Variants in ME1 observed in about 807,000 individuals in gnomAD.
ME1 encodes malic enzyme 1.
In ME1, 74 loss-of-function variants were observed where a neutral mutation model predicts 66.4. That is an observed-to-expected ratio of 1.11 (90% CI 0.92 to 1.35). The LOEUF is 1.35. Ranked by LOEUF, ME1 falls within the 40% of genes most tolerant of loss-of-function variation. ME1 has a pLI of 0.00. For missense variants in ME1, 750 were observed against 694.1 expected (o/e 1.08, Z -0.90); for synonymous variants, 251 against 235.6 (o/e 1.07, Z -0.60).
chr6:83,365,789 T>G (rs1235199871), intron 3 of ME1, among the ~76,000 whole-genome samples: 1 of 152,200 alleles, frequency 6.6e-6, no homozygotes, highest in Non-Finnish European at 1.5e-5. Context: ...ATTCAGCTTC[T>G]AGCTATCTAC....
chr6:83,307,923 C>T (rs1767855906), intron 6 of ME1, among the ~76,000 whole-genome samples: 1 of 152,010 alleles, frequency 6.6e-6, no homozygotes, highest in Non-Finnish European at 1.5e-5. Context: ...AATTCACAGG[C>T]TATATATCTT....
At chr6:83,416,526 C>T (rs1770162727) in intron 1 of ME1, among the ~76,000 whole-genome samples, 1 of 152,140 alleles carries the variant, frequency 6.6e-6, no homozygotes, top group Non-Finnish European at 1.5e-5. Flanking sequence ...TGAACTTGGA[C>T]ATCTTTTTCA....
chr6:83,393,075 A>T, intron 3 of ME1: 3 of 1,448,354 alleles, frequency 2.1e-6, no homozygotes, highest in Non-Finnish European at 2.9e-6. Context: ...CCCTGAGCTA[A>T]ACGGGAAGCT....
chr6:83,344,556 C>A (rs960812493), intron 5 of ME1, among the ~76,000 whole-genome samples: 4 of 151,416 alleles, frequency 2.6e-5, no homozygotes, highest in Non-Finnish European at 1.5e-5. Context: ...GCACTCTAGC[C>A]TGGGCAACAA....
intron 1 of ME1, among the ~76,000 whole-genome samples, chr6:83,412,455 G>A (rs934075000): frequency 1.3e-5 from 2 of 152,142 alleles, no homozygotes; most frequent in African/African-American, 4.8e-5. Flanking sequence ...AAAAAAATGT[G>A]TCGGATTAAC....
intron 3 of ME1, among the ~76,000 whole-genome samples, chr6:83,388,963 CA>C (rs1040577300): frequency 6.6e-6 from 1 of 151,802 alleles, no homozygotes; most frequent in Non-Finnish European, 1.5e-5. Flanking sequence ...TAAAAAAATA[CA>C]AAAAAATAGC....
At chr6:83,218,892 C>T (rs1188851588) in intron 12 of ME1, among the ~76,000 whole-genome samples, 1 of 152,188 alleles carries the variant, frequency 6.6e-6, no homozygotes, top group African/African-American at 2.4e-5. Context: ...CTGCAGGCCT[C>T]TCCTACTGCA....
Position 83,392,974 on chromosome 6 carries a change from C to T in ME1, c.362+5393G>A, listed in dbSNP as rs577934335. 6 of 859,020 alleles carry T rather than the reference C, an allele frequency of 7.0e-6. No individual in the cohort carries two copies. The East Asian group carries it at 1.2e-4, about 18-fold the overall frequency. The allele number at this position is 859,020 out of a possible 1,614,324, so 53.2% of individuals were successfully genotyped here. On this transcript the variant is annotated intron_variant, in intron 3 of 13. Transcript: ENST00000369705. Reference sequence around the variant, plus strand: ...GCCACCCAGAAGACTATGGATGGCTCCTATGGGAAACTGTGGGGTGACGGC... The same window carrying T: ...GCCACCCAGAAGACTATGGATGGCTTCTATGGGAAACTGTGGGGTGACGGC...
chr6:83,241,987 C>T (rs937794153), intron 7 of ME1, among the ~76,000 whole-genome samples: 1 of 152,098 alleles, frequency 6.6e-6, no homozygotes, highest in South Asian at 2.1e-4. Context: ...CTCAACCTCC[C>T]AAGTAACTAG....
chr6:83,389,482 G>T (rs1769577808), intron 3 of ME1, among the ~76,000 whole-genome samples: 2 of 151,990 alleles, frequency 1.3e-5, no homozygotes, highest in Non-Finnish European at 2.9e-5. Flanking sequence ...CAAAAAAACA[G>T]ATCAAGCATA....
chr6:83,283,439 G>C (rs936089818), intron 6 of ME1, among the ~76,000 whole-genome samples: 2 of 151,720 alleles, frequency 1.3e-5, no homozygotes, highest in African/African-American at 4.8e-5. Flanking sequence ...GGGGAAAGGA[G>C]AGGGAGAGCA....
At chr6:83,398,600 A>G (rs2128550762) in intron 2 of ME1, 84 bp from the exon 3 acceptor site, 1 of 678,326 alleles carries the variant, frequency 1.5e-6, no homozygotes, top group South Asian at 2.4e-5. Flanking sequence ...ATTTTCAACC[A>G]AGTATAAAGT....
intron 2 of ME1, among the ~76,000 whole-genome samples, chr6:83,405,413 G>A (rs1372504848): frequency 6.6e-6 from 1 of 152,130 alleles, no homozygotes; most frequent in South Asian, 2.1e-4. Context: ...GGGGATGAGA[G>A]GATGGGGTTT....
chr6:83,376,964 A>G (rs1414349167), intron 3 of ME1, among the ~76,000 whole-genome samples: 2 of 152,180 alleles, frequency 1.3e-5, no homozygotes, highest in East Asian at 3.9e-4. Flanking sequence ...TTTCCAATAC[A>G]TCAAGGAATG....
At chr6:83,297,444 A>C (rs1340623632) in intron 6 of ME1, among the ~76,000 whole-genome samples, 2 of 152,074 alleles carry the variant, frequency 1.3e-5, no homozygotes, top group Non-Finnish European at 2.9e-5. Flanking sequence ...TTCTCCACAG[A>C]ACTAGAAAAG....
chr6:83,221,107 C>T (rs1790083819), intron 12 of ME1, among the ~76,000 whole-genome samples: 1 of 151,108 alleles, frequency 6.6e-6, no homozygotes, highest in Non-Finnish European at 1.5e-5. Context: ...TTGCAGTGGG[C>T]CAAGATCACA....
chr6:83,405,553 T>C (rs1769922909), intron 2 of ME1, among the ~76,000 whole-genome samples: 1 of 152,062 alleles, frequency 6.6e-6, no homozygotes, highest in African/African-American at 2.4e-5. Context: ...TGAATAGGAG[T>C]AGTGAGAGAG....
chr6:83,258,580 G>A (rs1054749868), intron 6 of ME1, among the ~76,000 whole-genome samples: 1 of 152,230 alleles, frequency 6.6e-6, no homozygotes, highest in African/African-American at 2.4e-5. Flanking sequence ...AAACTGCAGA[G>A]ATTTTGCTCC....
intron 2 of ME1, among the ~76,000 whole-genome samples, chr6:83,401,761 C>T (rs1310936713): frequency 6.6e-6 from 1 of 152,164 alleles, no homozygotes; most frequent in East Asian, 1.9e-4. Flanking sequence ...GCCAACCTGG[C>T]TATTATAGCC....
Sources: allele counts gnomAD v4.1 joint callset (sites outside exome capture counted in the v4.1 genomes callset), GRCh38; gene constraint gnomAD v4.1.1; transcripts MANE v1.5; gene names NCBI Gene and HGNC (gene_info 2026-07-23, HGNC 2026-07-21).